Variants in GLI3 observed in about 807,000 individuals in gnomAD.
The protein encoded by GLI3 is GLI family zinc finger 3.
Under a neutral mutation model 100.8 loss-of-function variants are expected in GLI3, and 20 were observed. That is an observed-to-expected ratio of 0.20 (90% CI 0.14 to 0.29). The LOEUF (loss-of-function observed/expected upper bound fraction) is 0.29. Ranked by LOEUF, GLI3 falls within the 10% of genes least tolerant of loss-of-function variation. GLI3 has a pLI of 1.00. For missense variants in GLI3, 2,040 were observed against 2,128.5 expected, an observed-to-expected ratio of 0.96 and a Z score of 0.82; for synonymous variants, 938 against 860.5, an observed-to-expected ratio of 1.09 and a Z score of -1.58.
In GLI3 at chr7:41,962,249, T is replaced by C. The variant is rs1180293408; in HGVS notation, c.*2081A>G. 1 of 152,196 alleles carries C rather than the reference T, an allele frequency of 6.6e-6. No homozygotes were observed. The highest frequency in any genetic ancestry group is 1.5e-5 in the Non-Finnish European group (1 of 68,048). 9.4% of individuals were successfully genotyped at this position (152,196 alleles called of 1,614,324 possible). On this transcript the variant is annotated 3_prime_UTR_variant, in exon 15 of 15. Transcript: ENST00000395925. ...GTGGAGAACACTCAGGCCCCATGCT[T>C]TGAAAACAAGAGTTGGAAAGGGATT...
chr7:42,062,522 C>T (rs975341963), intron 4 of GLI3, among the ~76,000 whole-genome samples: 4 of 152,066 alleles, frequency 2.6e-5, no homozygotes, highest in South Asian at 2.1e-4. Context: ...AGTGGGACCA[C>T]GTAGCCTTGC....
chr7:42,097,981 ATAT>A (rs1429147045), intron 3 of GLI3, among the ~76,000 whole-genome samples: 1 of 152,180 alleles, frequency 6.6e-6, no homozygotes. Context: ...GAGGCATATG[ATAT>A]TATCTCCTCT....
At chr7:42,195,524 T>C (rs1198335113) in intron 2 of GLI3, among the ~76,000 whole-genome samples, 1 of 152,224 alleles carries the variant, frequency 6.6e-6, no homozygotes, top group Non-Finnish European at 1.5e-5. Context: ...TTCATAAGTT[T>C]CAGCTTGCAT....
At position 41,964,246 on chromosome 7, in the gene GLI3, C is replaced by T. The variant is rs554405441; in HGVS notation, c.*84G>A. ...TGAGATTGCTAAAATACATACAGAACTAAAAAAACAGCCAAAACAAAGTCA... is the reference window on the plus strand; with the variant it reads ...TGAGATTGCTAAAATACATACAGAATTAAAAAAACAGCCAAAACAAAGTCA... On this transcript the variant is annotated 3_prime_UTR_variant, in exon 15 of 15. Coordinates refer to ENST00000395925, the MANE Select transcript of GLI3 (RefSeq NM_000168.6). 1.6e-5 allele frequency: 19 copies of T among 1,202,114 alleles called. No homozygotes were observed. Among genetic ancestry groups the T allele is most frequent in the African/African-American group, 1.5e-4 (10 of 66,940 alleles). 74.5% of individuals were successfully genotyped at this position (1,202,114 alleles called of 1,614,324 possible).
intron 10 of GLI3, among the ~76,000 whole-genome samples, chr7:42,001,679 T>C (rs1171010159): frequency 6.6e-6 from 1 of 152,168 alleles, no homozygotes; most frequent in East Asian, 1.9e-4. Flanking sequence ...GAACCCAGCG[T>C]TGAAGTCAAC....
intron 2 of GLI3, among the ~76,000 whole-genome samples, chr7:42,166,463 C>T (rs932002046): frequency 1.3e-5 from 2 of 152,038 alleles, no homozygotes; most frequent in Admixed American, 1.3e-4. Context: ...TCTTTCTGAT[C>T]GGGATGAGGC....
intron 1 of GLI3, among the ~76,000 whole-genome samples, chr7:42,253,791 C>G (rs528532822): frequency 6.6e-6 from 1 of 152,164 alleles, no homozygotes; most frequent in Admixed American, 6.5e-5. Flanking sequence ...ATGATTGTTA[C>G]GCTAAGATCC....
chr7:42,070,154 C>T (rs1375445194), intron 4 of GLI3, among the ~76,000 whole-genome samples: 2 of 152,200 alleles, frequency 1.3e-5, no homozygotes, highest in African/African-American at 4.8e-5. Context: ...CACAATTTAC[C>T]AAACCACTCC....
At chr7:42,143,365 G>A (rs987306425) in intron 3 of GLI3, among the ~76,000 whole-genome samples, 1 of 152,206 alleles carries the variant, frequency 6.6e-6, no homozygotes, top group Admixed American at 6.5e-5. Context: ...TTGCAGTTTG[G>A]TCAAGACAAA....
At chr7:42,208,747 G>A (rs1788205556) in intron 2 of GLI3, among the ~76,000 whole-genome samples, 1 of 152,182 alleles carries the variant, frequency 6.6e-6, no homozygotes, top group Non-Finnish European at 1.5e-5. Context: ...AGCACTCTAT[G>A]AGGATGTTCA....
intron 1 of GLI3, among the ~76,000 whole-genome samples, chr7:42,255,939 C>T (rs568787854): frequency 6.6e-6 from 1 of 152,258 alleles, no homozygotes; most frequent in African/African-American, 2.4e-5. Context: ...CAATACATAA[C>T]GGTTCCAGTT....
At chr7:42,027,508 C>T (rs566393157) in intron 7 of GLI3, among the ~76,000 whole-genome samples, 3 of 152,034 alleles carry the variant, frequency 2.0e-5, no homozygotes, top group South Asian at 2.1e-4. Flanking sequence ...GGCTATTAAG[C>T]GCATTAAAGG....
chr7:41,997,311 T>C (rs1166114254), intron 10 of GLI3, among the ~76,000 whole-genome samples: 2 of 152,144 alleles, frequency 1.3e-5, no homozygotes, highest in Non-Finnish European at 2.9e-5. Flanking sequence ...TGGAAAGAAT[T>C]TTACAACACC....
chr7:42,183,797 G>A (rs937408458), intron 2 of GLI3, among the ~76,000 whole-genome samples: 3 of 152,090 alleles, frequency 2.0e-5, no homozygotes, highest in South Asian at 2.1e-4. Context: ...GAGCTGGACC[G>A]TCACCCCCTC....
chr7:42,142,152 G>A (rs996049590), intron 3 of GLI3, among the ~76,000 whole-genome samples: 4 of 152,182 alleles, frequency 2.6e-5, no homozygotes, highest in African/African-American at 9.7e-5. Context: ...TTGTAAGATG[G>A]CTCTTAGAGA....
intron 8 of GLI3, among the ~76,000 whole-genome samples, chr7:42,025,734 A>G (rs1789092739): frequency 6.6e-6 from 1 of 152,214 alleles, no homozygotes; most frequent in Non-Finnish European, 1.5e-5. Flanking sequence ...GAAGTTCTTT[A>G]ATTAGAGCAA....
chr7:42,177,943 G>A (rs1207380830), intron 2 of GLI3, among the ~76,000 whole-genome samples: 2 of 152,172 alleles, frequency 1.3e-5, no homozygotes, highest in African/African-American at 4.8e-5. Flanking sequence ...CGCTAAGTGT[G>A]GGGACCAGCT....
chr7:42,084,898 AT>A (rs1373503796), intron 3 of GLI3, among the ~76,000 whole-genome samples: 2 of 91,896 alleles, frequency 2.2e-5, no homozygotes, highest in African/African-American at 4.5e-5. Context: ...ATGCATTTGG[AT>A]TCTTTTTTTT....
At chr7:42,183,643 C>A (rs1352140223) in intron 2 of GLI3, among the ~76,000 whole-genome samples, 1 of 152,156 alleles carries the variant, frequency 6.6e-6, no homozygotes, top group East Asian at 1.9e-4. Context: ...ATCCCTACAC[C>A]GCCGTCAAAT....
Sources: gnomAD v4.1 joint callset for allele counts (sites outside exome capture counted in the v4.1 genomes callset) on GRCh38, gnomAD v4.1.1 for gene constraint, MANE v1.5 for transcripts, NCBI Gene and HGNC (gene_info 2026-07-23, HGNC 2026-07-21) for gene names.